TTC23: variants seen among roughly 807,000 people sequenced by gnomAD.
TTC23 encodes the protein tetratricopeptide repeat domain 23.
In TTC23, 58 loss-of-function variants were observed where a neutral mutation model predicts 55.1. The ratio of observed to expected loss-of-function variants is 1.05; its 90% CI spans 0.85 to 1.31. The LOEUF (loss-of-function observed/expected upper bound fraction) is 1.31, where lower values mean the gene tolerates loss of function less well. Among genes scored for constraint, TTC23 ranks in the 50% most tolerant of loss-of-function variants. The probability of loss-of-function intolerance (pLI) is 0.00; values close to 1 mark genes in which losing one functional copy is unlikely to be tolerated. For missense variants in TTC23, 516 were observed against 534.4 expected (o/e 0.97, Z 0.34); for synonymous variants, 203 against 199.9 (o/e 1.02, Z -0.13).
At chr15:99,213,276 TA>T (rs1423188769) in intron 8 of TTC23, among the ~76,000 whole-genome samples, 5 of 152,218 alleles carry the variant, frequency 3.3e-5, no homozygotes, top group African/African-American at 1.2e-4. Flanking sequence ...TGAAAAGAAG[TA>T]GCAAAGTTTG....
intron 8 of TTC23, among the ~76,000 whole-genome samples, chr15:99,217,780 A>T (rs532557465): frequency 2.4e-4 from 37 of 152,340 alleles, no homozygotes; most frequent in Admixed American, 2.0e-3. Flanking sequence ...ACATGGAAGC[A>T]TTAGGTGTGT....
At chr15:99,140,105 G>GCATGTT (rs1221721422) in intron 12 of TTC23, 1 of 190,258 alleles carries the variant, frequency 5.3e-6, no homozygotes, top group African/African-American at 2.4e-5. Flanking sequence ...AATTAAGACA[G>GCATGTT]CATGTTTGTC....
chr15:99,200,706 C>T (rs968647991), intron 8 of TTC23, among the ~76,000 whole-genome samples: 7 of 152,034 alleles, frequency 4.6e-5, no homozygotes, highest in East Asian at 3.8e-4. Flanking sequence ...TACAATTTTG[C>T]GAATTCCAAT....
chr15:99,184,627 T>G (rs2151952790), intron 9 of TTC23, among the ~76,000 whole-genome samples: 1 of 152,330 alleles, frequency 6.6e-6, no homozygotes, highest in East Asian at 1.9e-4. Context: ...ATCTAGGAAG[T>G]AACTAACTTG....
intron 10 of TTC23, among the ~76,000 whole-genome samples, chr15:99,166,670 T>C (rs894631748): frequency 6.6e-6 from 1 of 152,214 alleles, no homozygotes; most frequent in Non-Finnish European, 1.5e-5. Flanking sequence ...GGCAGCCTCC[T>C]CAAGTCGCTG....
intron 5 of TTC23, among the ~76,000 whole-genome samples, chr15:99,222,980 C>T (rs567123962): frequency 8.3e-4 from 127 of 152,288 alleles, no homozygotes; most frequent in African/African-American, 2.8e-3. Context: ...CTGGGCGACA[C>T]AGCGAGACTC....
chr15:99,160,284 G>C (rs1188422159), intron 11 of TTC23: 1 of 152,008 alleles, frequency 6.6e-6, no homozygotes, highest in African/African-American at 2.4e-5. Context: ...CAGACGGTAA[G>C]GGAAATAAAG....
chr15:99,203,862 A>T (rs2152004023), intron 8 of TTC23, among the ~76,000 whole-genome samples: 1 of 152,210 alleles, frequency 6.6e-6, no homozygotes, highest in Non-Finnish European at 1.5e-5. Flanking sequence ...TCCATTATGT[A>T]TATCTACCAC....
chr15:99,233,945 C>T (rs2079115731), intron 4 of TTC23, among the ~76,000 whole-genome samples: 2 of 152,024 alleles, frequency 1.3e-5, no homozygotes. Flanking sequence ...GTCTGCTCAA[C>T]AAATGATACT....
At chr15:99,161,440 C>T (rs1403239412) in intron 11 of TTC23, among the ~76,000 whole-genome samples, 1 of 152,216 alleles carries the variant, frequency 6.6e-6, no homozygotes, top group African/African-American at 2.4e-5. Context: ...GACACACTAA[C>T]TGCCACACTA....
chr15:99,148,360 CAAAAAAAAAA>C (rs57733522), intron 12 of TTC23, among the ~76,000 whole-genome samples: 22 of 30,420 alleles, frequency 7.2e-4, no homozygotes, highest in African/African-American at 1.8e-3. Flanking sequence ...GACTCTGTAC[CAAAAAAAAAA>C]AAAAAAAAAA....
intron 9 of TTC23, among the ~76,000 whole-genome samples, chr15:99,182,421 G>C (rs2074244107): frequency 6.6e-6 from 1 of 152,086 alleles, no homozygotes; most frequent in Non-Finnish European, 1.5e-5. Context: ...ATTTTTGTAT[G>C]GTTATTGGTT....
At chr15:99,191,573 C>T (rs945727941) in intron 9 of TTC23, among the ~76,000 whole-genome samples, 8 of 152,180 alleles carry the variant, frequency 5.3e-5, no homozygotes, top group Non-Finnish European at 1.0e-4. Context: ...TGCCTGCTGC[C>T]ATCCATGTAA....
intron 11 of TTC23, 143 bp downstream of exon 11, chr15:99,161,597 C>T: frequency 2.3e-6 from 2 of 883,090 alleles, no homozygotes; most frequent in Non-Finnish European, 3.3e-6. Context: ...CCAAAGGAGC[C>T]CTAGCCTTAT....
chr15:99,178,965 A>AG (rs1162931664), intron 9 of TTC23, among the ~76,000 whole-genome samples: 2 of 151,996 alleles, frequency 1.3e-5, no homozygotes, highest in Non-Finnish European at 1.5e-5. Context: ...CCTTGAGGGG[A>AG]GGGGCTGGAG....
At chr15:99,168,928 T>C (rs1428534376) in intron 10 of TTC23, among the ~76,000 whole-genome samples, 1 of 152,084 alleles carries the variant, frequency 6.6e-6, no homozygotes, top group African/African-American at 2.4e-5. Flanking sequence ...AGCACCTGGG[T>C]TCCATTCTAG....
intron 9 of TTC23, among the ~76,000 whole-genome samples, chr15:99,177,816 CT>C (rs759510818): frequency 1.5e-4 from 23 of 152,144 alleles, no homozygotes; most frequent in Non-Finnish European, 2.6e-4. Context: ...TCTGAAAACA[CT>C]GTAAGTTGTT....
At chr15:99,155,126 C>T (rs1390282818) in intron 12 of TTC23, among the ~76,000 whole-genome samples, 1 of 151,980 alleles carries the variant, frequency 6.6e-6, no homozygotes, top group Non-Finnish European at 1.5e-5. Flanking sequence ...ATAAAATTTA[C>T]ACAGAGAAAC....
At chr15:99,221,631 A>C in intron 6 of TTC23, 110 bp downstream of exon 6, 1 of 1,380,968 alleles carries the variant, frequency 7.2e-7, no homozygotes, top group Non-Finnish European at 9.8e-7. Context: ...CTTGGTATTT[A>C]GAAAGGAGAA....
Sources: allele counts gnomAD v4.1 joint callset (sites outside exome capture counted in the v4.1 genomes callset), GRCh38; gene constraint gnomAD v4.1.1; transcripts MANE v1.5; gene names NCBI Gene and HGNC (gene_info 2026-07-23, HGNC 2026-07-21).